ARSB: variants seen among roughly 807,000 people sequenced by gnomAD.
The protein encoded by ARSB is arylsulfatase B.
ARSB carries 41 observed loss-of-function variants against 50.9 expected under a neutral mutation model. The ratio of observed to expected loss-of-function variants is 0.81; its 90% CI spans 0.63 to 1.04. The LOEUF is 1.04. Ranked by LOEUF, ARSB falls within the 50% of genes least tolerant of loss-of-function variation. The pLI, the probability that ARSB is intolerant of heterozygous loss-of-function variation, is 0.00. For synonymous variants in ARSB, 269 were observed against 284.8 expected (o/e 0.94, Z 0.56); for missense variants, 672 against 693.3 (o/e 0.97, Z 0.35).
intron 4 of ARSB, among the ~76,000 whole-genome samples, chr5:78,951,226 T>G (rs1162885498): frequency 6.6e-6 from 1 of 152,140 alleles, no homozygotes; most frequent in Non-Finnish European, 1.5e-5. Context: ...TTTTTTATTT[T>G]ATTTTTTAAA....
chr5:78,915,625 G>A (rs1280061579), intron 4 of ARSB, among the ~76,000 whole-genome samples: 2 of 152,190 alleles, frequency 1.3e-5, no homozygotes, highest in African/African-American at 4.8e-5. Flanking sequence ...GGACACTACA[G>A]GTTGAATACT....
At chr5:78,819,743 A>C (rs1337454291) in intron 6 of ARSB, among the ~76,000 whole-genome samples, 1 of 152,246 alleles carries the variant, frequency 6.6e-6, no homozygotes. Context: ...GCAGAGCCAC[A>C]GAGACTGAAG....
At chr5:78,977,821 A>G (rs1421310003) in intron 1 of ARSB, among the ~76,000 whole-genome samples, 1 of 151,990 alleles carries the variant, frequency 6.6e-6, no homozygotes, top group Non-Finnish European at 1.5e-5. Flanking sequence ...TAAAGATTAT[A>G]CACACACACA....
chr5:78,799,389 G>C (rs2112643044), intron 6 of ARSB, among the ~76,000 whole-genome samples: 1 of 152,282 alleles, frequency 6.6e-6, no homozygotes, highest in East Asian at 1.9e-4. Flanking sequence ...TGCTTCCTGA[G>C]AAATGCCAAC....
intron 5 of ARSB, among the ~76,000 whole-genome samples, chr5:78,871,780 C>A (rs1747196892): frequency 7.4e-6 from 1 of 135,734 alleles, no homozygotes; most frequent in Non-Finnish European, 1.6e-5. Context: ...TCCAAAACAC[C>A]AAAAGCAATG....
chr5:78,791,830 C>A (rs925368104), intron 6 of ARSB, among the ~76,000 whole-genome samples: 5 of 152,166 alleles, frequency 3.3e-5, no homozygotes, highest in African/African-American at 1.2e-4. Context: ...CTTTAGTGAA[C>A]CTCTTTGCTT....
At chr5:78,884,234 A>C (rs1747897542) in intron 5 of ARSB, 1 of 152,216 alleles carries the variant, frequency 6.6e-6, no homozygotes, top group Non-Finnish European at 1.5e-5. Flanking sequence ...AAACACTTTT[A>C]TTTGGAAATA....
At chr5:78,868,120 T>C (rs1002107800) in intron 5 of ARSB, among the ~76,000 whole-genome samples, 1 of 143,350 alleles carries the variant, frequency 7.0e-6, no homozygotes, top group Non-Finnish European at 1.5e-5. Flanking sequence ...GAAAAAAGAA[T>C]AAAAAGAAAT....
At chr5:78,950,302 G>C (rs907648795) in intron 4 of ARSB, among the ~76,000 whole-genome samples, 3 of 152,152 alleles carry the variant, frequency 2.0e-5, no homozygotes, top group African/African-American at 7.2e-5. Flanking sequence ...AACATGTCCA[G>C]AAACTACAAG....
intron 2 of ARSB, among the ~76,000 whole-genome samples, chr5:78,964,850 C>T (rs1443792812): frequency 7.2e-6 from 1 of 138,990 alleles, no homozygotes; most frequent in South Asian, 2.3e-4. Flanking sequence ...TCATGTAACA[C>T]TAACAGTTTT....
At chr5:78,799,540 A>G (rs7722869) in intron 6 of ARSB, among the ~76,000 whole-genome samples, 53,336 of 152,166 alleles carry the variant, frequency 0.35, 11,698 homozygotes, top group African/African-American at 0.63. Flanking sequence ...GCTGGTGCTC[A>G]CCTACTCACA....
rs116226939 is a variant in ARSB at position 78,866,336 on chromosome 5, G to A, written c.1142+19248C>T. Among the ~76,000 whole-genome samples, 1,305 of 152,186 alleles carry A rather than the reference G, an allele frequency of 8.6e-3. 22 individuals carry two copies. The highest frequency in any genetic ancestry group is 0.03 in the African/African-American group (1,262 of 41,512). On this transcript the variant is annotated intron_variant, in intron 5 of 7. Transcript: ENST00000264914. ...CCCTTATATTACCATCAGATCTTGT[G>A]AGCCCTATTCACTATCATGAGAACA... is the stretch of plus-strand genomic sequence containing the variant.
intron 4 of ARSB, among the ~76,000 whole-genome samples, chr5:78,931,168 G>T (rs865901414): frequency 1.5e-4 from 23 of 152,210 alleles, no homozygotes; most frequent in African/African-American, 5.5e-4. Context: ...CCCTCAAGGA[G>T]AACCCCACAC....
chr5:78,983,117 G>A (rs574705457), intron 1 of ARSB, among the ~76,000 whole-genome samples: 7 of 152,242 alleles, frequency 4.6e-5, no homozygotes, highest in African/African-American at 1.7e-4. Context: ...GCAGTGGTGC[G>A]ATCTCGGCTC....
At chr5:78,901,595 T>TA (rs35632995) in intron 4 of ARSB, among the ~76,000 whole-genome samples, 54,679 of 151,602 alleles carry the variant, frequency 0.36, 11,461 homozygotes, top group Non-Finnish European at 0.44. Flanking sequence ...ATATCTACGT[T>TA]AAAAAAAACA....
chr5:78,949,264 C>T (rs942012757), intron 4 of ARSB, among the ~76,000 whole-genome samples: 4 of 152,152 alleles, frequency 2.6e-5, no homozygotes, highest in Admixed American at 2.6e-4. Context: ...TTGCCTTTAC[C>T]GATCACCAAA....
At chr5:78,936,481 GAA>G (rs34898219) in intron 4 of ARSB, among the ~76,000 whole-genome samples, 1,605 of 139,084 alleles carry the variant, frequency 0.012, 31 homozygotes, top group African/African-American at 0.039. Context: ...CAACTCCTAA[GAA>G]AAAAAAAAAA....
chr5:78,903,373 G>A (rs1264234044), intron 4 of ARSB, among the ~76,000 whole-genome samples: 2 of 152,148 alleles, frequency 1.3e-5, no homozygotes, highest in Non-Finnish European at 2.9e-5. Context: ...CACAAGCAGG[G>A]ATATATCTCA....
In ARSB at chr5:78,928,048, C is replaced by A. The variant is rs138515153; in HGVS notation, c.898+27247G>T. Among the ~76,000 whole-genome samples, 295 of 152,266 alleles carry A rather than the reference C, an allele frequency of 1.9e-3. 2 individuals are homozygous for A. The highest frequency in any genetic ancestry group is 6.8e-3 in the African/African-American group (281 of 41,542). On this transcript the variant is annotated intron_variant, in intron 4 of 7. Coordinates refer to ENST00000264914, the MANE Select transcript of ARSB (RefSeq NM_000046.5). Reference sequence around the variant, plus strand: ...GTGCGCAGACAGACTTCATATCTGTCACATGGGATGGAGGCACATCCTTCG... The same window carrying A: ...GTGCGCAGACAGACTTCATATCTGTAACATGGGATGGAGGCACATCCTTCG...
Sources: allele counts gnomAD v4.1 joint callset (sites outside exome capture counted in the v4.1 genomes callset), GRCh38; gene constraint gnomAD v4.1.1; transcripts MANE v1.5; gene names NCBI Gene and HGNC (gene_info 2026-07-23, HGNC 2026-07-21).